Variants in NAALADL2 observed in about 807,000 individuals in gnomAD.
The protein encoded by NAALADL2 is inactive N-acetylated-alpha-linked acidic dipeptidase-like protein 2.
In NAALADL2, 76 loss-of-function variants were observed where a neutral mutation model predicts 87.2. The ratio of observed to expected loss-of-function variants is 0.87; its 90% CI spans 0.72 to 1.05. The LOEUF is 1.05. NAALADL2 is among the 50% of genes least tolerant of loss of function. NAALADL2 has a pLI of 0.00. For missense variants in NAALADL2, 1,089 were observed against 945.8 expected (o/e 1.15, Z -1.99); for synonymous variants, 354 against 331.0 (o/e 1.07, Z -0.75).
intron 2 of NAALADL2, among the ~76,000 whole-genome samples, chr3:174,615,263 A>T (rs1244647924): frequency 2.0e-5 from 3 of 152,158 alleles, no homozygotes; most frequent in African/African-American, 7.2e-5. Context: ...TGGGAACTGG[A>T]TCTGATCTAT....
intron 9 of NAALADL2, among the ~76,000 whole-genome samples, chr3:175,558,113 T>A (rs1277017674): frequency 6.9e-6 from 1 of 143,934 alleles, no homozygotes. Context: ...GAGAATGGCG[T>A]GAACCCGGGA....
chr3:174,839,415 C>T (rs778101107), intron 3 of NAALADL2, among the ~76,000 whole-genome samples: 3 of 152,050 alleles, frequency 2.0e-5, no homozygotes, highest in Non-Finnish European at 4.4e-5. Flanking sequence ...TGGAAAAACC[C>T]TTCTAGAGAT....
At chr3:175,482,673 C>T (rs1726661671) in intron 9 of NAALADL2, among the ~76,000 whole-genome samples, 1 of 151,830 alleles carries the variant, frequency 6.6e-6, no homozygotes, top group African/African-American at 2.4e-5. Context: ...TATGTTTTCT[C>T]TAACCTACTA....
intron 4 of NAALADL2, among the ~76,000 whole-genome samples, chr3:175,288,114 C>T (rs1755202358): frequency 6.6e-6 from 1 of 152,116 alleles, no homozygotes; most frequent in Non-Finnish European, 1.5e-5. Context: ...CAGAGTCTCA[C>T]TCCGTCTCCC....
At chr3:175,540,034 G>A (rs918667571) in intron 9 of NAALADL2, among the ~76,000 whole-genome samples, 3 of 152,188 alleles carry the variant, frequency 2.0e-5, no homozygotes, top group Admixed American at 2.0e-4. Flanking sequence ...GTAAGTTTGA[G>A]CCCAGAATTA....
chr3:175,005,343 T>G (rs1463849022), intron 1 of NAALADL2, among the ~76,000 whole-genome samples: 1 of 152,146 alleles, frequency 6.6e-6, no homozygotes, highest in African/African-American at 2.4e-5. Context: ...CCTCACTAAG[T>G]GTTGACTGTA....
Position 174,665,092 on chromosome 3 carries a change from G to C in NAALADL2, c.-114-72549G>C, listed in dbSNP as rs1039574101. Among the ~76,000 whole-genome samples, 5 of 152,102 alleles carry C rather than the reference G, an allele frequency of 3.3e-5. No individual in the cohort carries two copies. The East Asian group carries it at 9.6e-4, about 29-fold the overall frequency. ...CTTGTGGAAATTGTGTCCATGTCCT[G>C]ACCATTGATGCAGTACTTCTCAGCA... On this transcript the variant is annotated intron_variant, in intron 2 of 3. Coordinates refer to the NAALADL2 transcript ENST00000434257.
At chr3:174,706,922 G>A (rs1437130073) in intron 2 of NAALADL2, among the ~76,000 whole-genome samples, 1 of 151,868 alleles carries the variant, frequency 6.6e-6, no homozygotes, top group African/African-American at 2.4e-5. Context: ...ATTTTTGTCA[G>A]GTTTGTCAAG....
chr3:174,794,981 CTTTTTTTTTTTT>C lies in NAALADL2; in HGVS notation c.-9+57251_-9+57262del, dbSNP rs772447340. 1.3e-4 allele frequency among the ~76,000 whole-genome samples: 9 copies of C among 66,706 alleles called. No homozygotes were observed. In the South Asian group the frequency reaches 2.7e-3, roughly 20 times the overall value. 43.8% of individuals were successfully genotyped at this position (66,706 alleles called of 152,430 possible). A position where few individuals can be genotyped will look rare whatever the true frequency, so the allele number is the denominator to read the frequency against. On this transcript the variant is annotated intron_variant, in intron 3 of 3. Coordinates refer to the NAALADL2 transcript ENST00000434257. Reference sequence around the variant, plus strand: ...TTAAAAGTTGAAACTTCTAGTCCAGCTTTTTTTTTTTTTTTTTTTTTTTTTTTGAGACAGAGT... The same window carrying C: ...TTAAAAGTTGAAACTTCTAGTCCAGCTTTTTTTTTTTTTTTGAGACAGAGT...
chr3:174,588,441 A>G (rs1276741867), intron 2 of NAALADL2, among the ~76,000 whole-genome samples: 2 of 152,086 alleles, frequency 1.3e-5, no homozygotes, highest in Non-Finnish European at 2.9e-5. Flanking sequence ...CCTTTGGAGG[A>G]GAAGAGGCGC....
intron 2 of NAALADL2, among the ~76,000 whole-genome samples, chr3:175,201,426 T>C (rs183186363): frequency 2.4e-4 from 36 of 152,338 alleles, no homozygotes; most frequent in Non-Finnish European, 4.4e-4. Context: ...TTTTCCCCTA[T>C]GGAAAATCAT....
intron 1 of NAALADL2, among the ~76,000 whole-genome samples, chr3:175,060,952 A>G (rs960622036): frequency 6.6e-6 from 1 of 152,204 alleles, no homozygotes; most frequent in African/African-American, 2.4e-5. Context: ...AGGCTGAGGC[A>G]GGAGAATGGC....
At chr3:174,471,088 G>T (rs1385345650) in intron 1 of NAALADL2, among the ~76,000 whole-genome samples, 1 of 152,032 alleles carries the variant, frequency 6.6e-6, no homozygotes, top group Non-Finnish European at 1.5e-5. Context: ...GTGCCCTCCA[G>T]CAGTGCTCCT....
chr3:175,775,808 T>G (rs1312985049), intron 13 of NAALADL2, among the ~76,000 whole-genome samples: 2 of 151,910 alleles, frequency 1.3e-5, no homozygotes, highest in East Asian at 3.9e-4. Flanking sequence ...ATCACAGGAG[T>G]CCTCCTGGGC....
chr3:174,927,036 A>G (rs1736160034), intron 1 of NAALADL2, among the ~76,000 whole-genome samples: 3 of 151,814 alleles, frequency 2.0e-5, no homozygotes, highest in Non-Finnish European at 2.9e-5. Flanking sequence ...GAAGAAAAAA[A>G]AAAAAAAGGC....
intron 5 of NAALADL2, among the ~76,000 whole-genome samples, chr3:175,430,178 T>C (rs1717515522): frequency 6.6e-6 from 1 of 151,966 alleles, no homozygotes; most frequent in Non-Finnish European, 1.5e-5. Context: ...TGATTTTATA[T>C]TCTTTGGCCG....
intron 3 of NAALADL2, among the ~76,000 whole-genome samples, chr3:174,787,576 CATATATATATATATAT>C (rs71300440): frequency 0.054 from 793 of 14,738 alleles, 97 homozygotes; most frequent in South Asian, 0.23. Context: ...AATATATCAT[CATATATATATATATAT>C]ATATATATAT....
intron 1 of NAALADL2, among the ~76,000 whole-genome samples, chr3:174,976,978 C>A (rs1474949202): frequency 6.6e-6 from 1 of 152,056 alleles, no homozygotes; most frequent in Non-Finnish European, 1.5e-5. Flanking sequence ...GGGCAGCTAG[C>A]CAGAAAATGT....
chr3:175,691,477 A>G (rs1339489937), intron 11 of NAALADL2, among the ~76,000 whole-genome samples: 2 of 151,808 alleles, frequency 1.3e-5, no homozygotes, highest in Admixed American at 6.6e-5. Context: ...TGGTACCTAA[A>G]GATATTACTG....
Sources: allele counts gnomAD v4.1 joint callset (sites outside exome capture counted in the v4.1 genomes callset), GRCh38; gene constraint gnomAD v4.1.1; transcripts MANE v1.5; gene names NCBI Gene and HGNC (gene_info 2026-07-23, HGNC 2026-07-21).